Variants in FRMD6 observed in about 807,000 individuals in gnomAD.
FRMD6 encodes FERM domain-containing protein 6.
A neutral mutation model predicts 73.2 loss-of-function variants in FRMD6; 37 were observed. The observed-to-expected ratio is 0.51, with a 90% confidence interval of 0.39 to 0.66. The LOEUF (loss-of-function observed/expected upper bound fraction) is 0.66, where lower values mean the gene tolerates loss of function less well. FRMD6 is among the 30% of genes least tolerant of loss of function. The probability of loss-of-function intolerance (pLI) is 0.00; values close to 1 mark genes in which losing one functional copy is unlikely to be tolerated. For missense variants in FRMD6, 714 were observed against 780.5 expected (o/e 0.91, Z 1.02); for synonymous variants, 273 against 282.2 (o/e 0.97, Z 0.33).
chr14:51,451,860 G>A, the FRMD6 span, among the ~76,000 whole-genome samples: 1 of 152,224 alleles, frequency 6.6e-6, no homozygotes, highest in African/African-American at 2.4e-5. Context: ...CTGCAGAATG[G>A]TGAGTTAAAT....
At chr14:51,405,991 A>G in the FRMD6 span, among the ~76,000 whole-genome samples, 1 of 152,138 alleles carries the variant, frequency 6.6e-6, no homozygotes, top group African/African-American at 2.4e-5. Context: ...TCTTTAATCT[A>G]TCTTGAGTAG....
intron 2 of FRMD6, among the ~76,000 whole-genome samples, chr14:51,593,695 G>T (rs899188656): frequency 6.6e-6 from 1 of 152,142 alleles, no homozygotes; most frequent in East Asian, 1.9e-4. Context: ...CTCTGCTGGA[G>T]TTCGTGGGCT....
intron 4 of FRMD6, 48 bp downstream of exon 4, chr14:51,701,207 T>G (rs886403464): frequency 1.7e-6 from 2 of 1,174,442 alleles, no homozygotes; most frequent in Admixed American, 2.3e-5. Context: ...TTTTAAAAAA[T>G]GTTTATTTTA....
At chr14:51,659,733 T>C (rs2140152571) in intron 1 of FRMD6, among the ~76,000 whole-genome samples, 1 of 152,340 alleles carries the variant, frequency 6.6e-6, no homozygotes, top group East Asian at 1.9e-4. Context: ...CTGGCCCATG[T>C]CTTTTGCTCA....
intron 1 of FRMD6, among the ~76,000 whole-genome samples, chr14:51,671,102 C>CGT (rs1190947946): frequency 1.3e-5 from 2 of 152,162 alleles, no homozygotes; most frequent in Non-Finnish European, 2.9e-5. Context: ...ATACACCCAA[C>CGT]GTGGTCATCA....
chr14:51,436,548 A>G, the FRMD6 span: 1 of 665,582 alleles, frequency 1.5e-6, no homozygotes, highest in Non-Finnish European at 2.6e-6. Flanking sequence ...CACTGAAATC[A>G]AATGGAAATC....
chr14:51,634,154 T>C (rs1891454097), intron 2 of FRMD6, among the ~76,000 whole-genome samples: 1 of 152,222 alleles, frequency 6.6e-6, no homozygotes. Flanking sequence ...CTGAAGTGTA[T>C]ATAATTGTTT....
intron 1 of FRMD6, among the ~76,000 whole-genome samples, chr14:51,678,777 C>T (rs556350370): frequency 7.7e-6 from 1 of 130,584 alleles, no homozygotes; most frequent in East Asian, 2.3e-4. Flanking sequence ...CTTCACAGAC[C>T]AGCATCTTGA....
At chr14:51,648,100 C>T (rs918801413), upstream of FRMD6, among the ~76,000 whole-genome samples, 1 of 152,198 alleles carries the variant, frequency 6.6e-6, no homozygotes, top group Non-Finnish European at 1.5e-5. Flanking sequence ...GCTGGGATTA[C>T]AGGCATGAGC....
Position 51,725,912 on chromosome 14 carries a change from T to C in FRMD6, c.1584+42T>C, listed in dbSNP as rs752732721. The stretch of plus-strand genomic sequence containing the variant: ...AAAATATCAGTTAGGAAACTGAAGT[T>C]ATAGAAAATTTTAAGTAGTAACTTA... On this transcript the variant is annotated intron_variant, in intron 13 of 13. Coordinates refer to ENST00000344768, the MANE Select transcript of FRMD6 (RefSeq NM_001267046.2). 2.7e-6 allele frequency: 4 copies of C among 1,457,976 alleles called. No homozygotes were observed. The African/African-American group carries it at 5.6e-5, about 20-fold the overall frequency. The allele number at this position is 1,457,976 out of a possible 1,614,324, so 90.3% of individuals were successfully genotyped here.
the FRMD6 span, among the ~76,000 whole-genome samples, chr14:51,426,022 T>G: frequency 6.6e-6 from 1 of 152,156 alleles, no homozygotes; most frequent in Non-Finnish European, 1.5e-5. Flanking sequence ...TTTTTCCTCT[T>G]TCATGCTCTC....
chr14:51,670,070 G>T (rs8007388), intron 1 of FRMD6, among the ~76,000 whole-genome samples: 54,857 of 151,680 alleles, frequency 0.36, 10,020 homozygotes, highest in Middle Eastern at 0.5. Flanking sequence ...ACTTTATTTT[G>T]AGGTAATTTA....
At chr14:51,699,027 T>C (rs753690881) in intron 3 of FRMD6, among the ~76,000 whole-genome samples, 19 of 152,132 alleles carry the variant, frequency 1.2e-4, no homozygotes, top group South Asian at 4.1e-4. Context: ...CTGGAATTGG[T>C]TTAAATTTCA....
At chr14:51,657,571 A>G (rs1199144085) in intron 1 of FRMD6, among the ~76,000 whole-genome samples, 1 of 152,200 alleles carries the variant, frequency 6.6e-6, no homozygotes, top group Non-Finnish European at 1.5e-5. Context: ...CTGTGAATGA[A>G]TATGCCCAGT....
intron 5 of FRMD6, among the ~76,000 whole-genome samples, chr14:51,703,994 C>G (rs1034541058): frequency 6.6e-6 from 1 of 152,038 alleles, no homozygotes; most frequent in Non-Finnish European, 1.5e-5. Context: ...CATTTCTTAA[C>G]GTATTTAATG....
chr14:51,613,498 G>T (rs777846213), intron 2 of FRMD6, among the ~76,000 whole-genome samples: 1 of 152,134 alleles, frequency 6.6e-6, no homozygotes, highest in Non-Finnish European at 1.5e-5. Flanking sequence ...AAATCCGGAG[G>T]GAGAGATATT....
At chr14:51,719,228 A>G (rs1897402602) in intron 10 of FRMD6, among the ~76,000 whole-genome samples, 1 of 151,996 alleles carries the variant, frequency 6.6e-6, no homozygotes, top group African/African-American at 2.4e-5. Flanking sequence ...TGGTTAGTTT[A>G]TATGTAATAA....
the FRMD6 span, among the ~76,000 whole-genome samples, chr14:51,437,389 G>A: frequency 2.6e-4 from 40 of 152,236 alleles, no homozygotes; most frequent in African/African-American, 5.8e-4. Flanking sequence ...TGCAACCTCC[G>A]CCTGCCGGGT....
the FRMD6 span, among the ~76,000 whole-genome samples, chr14:51,446,980 G>C: frequency 2.4e-3 from 367 of 152,284 alleles, 1 homozygote; most frequent in African/African-American, 8.4e-3. Flanking sequence ...TGTTGTACAG[G>C]AAATTCCACA....
Sources: gnomAD v4.1 joint callset for allele counts (sites outside exome capture counted in the v4.1 genomes callset) on GRCh38, gnomAD v4.1.1 for gene constraint, MANE v1.5 for transcripts, NCBI Gene and HGNC (gene_info 2026-07-23, HGNC 2026-07-21) for gene names.